CRYBG1: variants seen among roughly 807,000 people sequenced by gnomAD.
CRYBG1 encodes the protein beta/gamma crystallin domain-containing protein 1.
Under a neutral mutation model 189.2 loss-of-function variants are expected in CRYBG1, and 139 were observed. The ratio of observed to expected loss-of-function variants is 0.73; its 90% CI spans 0.64 to 0.85. CRYBG1 has a LOEUF of 0.85. CRYBG1 is among the 40% of genes least tolerant of loss of function. CRYBG1 has a pLI of 0.00. For missense variants in CRYBG1, 2,611 were observed against 2,675.8 expected, an observed-to-expected ratio of 0.98 and a Z score of 0.53; for synonymous variants, 1,023 against 1,017.1, an observed-to-expected ratio of 1.01 and a Z score of -0.11.
At position 106,521,092 on chromosome 6, in the gene CRYBG1, G is replaced by C. The variant is rs1773596239; in HGVS notation, c.3884G>C (p.Gly1295Ala). The C allele has an allele frequency of 3.1e-6, 5 of 1,614,150 alleles. No homozygotes were observed. Among genetic ancestry groups the C allele is most frequent in the Non-Finnish European group, 4.2e-6 (5 of 1,180,022 alleles). Residue 1295 changes from glycine (G) to alanine (A), a missense_variant, in exon 4 of 22, where the codon GGT (glycine) becomes GCT (alanine). By Grantham distance (60) the Gly-to-Ala change is moderately conservative. Coordinates refer to ENST00000633556, the MANE Select transcript of CRYBG1 (RefSeq NM_001371242.2). ...ACGACTGAGGGTGCCCCGCCCTGTG[G>C]TTTGAACAAAGAACAGTCAAATCTT... ...QPTTEGAPPC[G>A]LNKEQSNLLP...
chr6:106,492,618 C>A (rs1220476312), intron 2 of CRYBG1, among the ~76,000 whole-genome samples: 6 of 152,124 alleles, frequency 3.9e-5, no homozygotes, highest in African/African-American at 1.4e-4. Flanking sequence ...TATTCAAACG[C>A]CACCTTCTCA....
intron 2 of CRYBG1, among the ~76,000 whole-genome samples, chr6:106,475,542 G>A (rs1772317892): frequency 6.6e-6 from 1 of 152,152 alleles, no homozygotes; most frequent in Non-Finnish European, 1.5e-5. Flanking sequence ...AAAGAGACAG[G>A]CAAGCACTAC....
At position 106,571,924 on chromosome 6, in the gene CRYBG1, G is replaced by T; in HGVS notation, c.*3358G>T. 1 of 967,194 alleles carries T rather than the reference G, an allele frequency of 1.0e-6. No homozygotes were observed. Among genetic ancestry groups the T allele is most frequent in the Non-Finnish European group, 1.6e-6 (1 of 607,154 alleles). The allele number at this position is 967,194 out of a possible 1,614,324, so 59.9% of individuals were successfully genotyped here. A position where few individuals can be genotyped will look rare whatever the true frequency, so the allele number is the denominator to read the frequency against. ...TCTGGAAAAATGTTTGAAAGGGATG[G>T]CTAGAAAAAAATTTGGGCTCACAGG... On this transcript the variant is annotated 3_prime_UTR_variant, in exon 22 of 22. Transcript: ENST00000633556.
At chr6:106,482,170 TCTC>T (rs1371599092) in intron 2 of CRYBG1, among the ~76,000 whole-genome samples, 1 of 152,194 alleles carries the variant, frequency 6.6e-6, no homozygotes, top group African/African-American at 2.4e-5. Context: ...GCAGAATTCA[TCTC>T]CTTGAAGTTG....
chr6:106,438,866 AG>A (rs1481177451), intron 1 of CRYBG1, among the ~76,000 whole-genome samples: 17 of 152,272 alleles, frequency 1.1e-4, no homozygotes, highest in African/African-American at 3.9e-4. Flanking sequence ...TCATATTTAA[AG>A]TCTAGTAGCA....
intron 2 of CRYBG1, among the ~76,000 whole-genome samples, chr6:106,499,923 A>G (rs1772964541): frequency 6.6e-6 from 1 of 152,194 alleles, no homozygotes; most frequent in Admixed American, 6.5e-5. Context: ...TGTGTTATTT[A>G]TCCTTCTGTG....
At chr6:106,496,620 T>C (rs1029107592) in intron 2 of CRYBG1, among the ~76,000 whole-genome samples, 2 of 152,236 alleles carry the variant, frequency 1.3e-5, no homozygotes, top group Non-Finnish European at 2.9e-5. Context: ...TATTAGAGAC[T>C]AATTATAAAT....
chr6:106,396,827 G>A (rs1770623171), intron 1 of CRYBG1, among the ~76,000 whole-genome samples: 1 of 152,190 alleles, frequency 6.6e-6, no homozygotes, highest in Non-Finnish European at 1.5e-5. Context: ...GGTTATAGGT[G>A]CATACCATCA....
At chr6:106,550,832 GTTTGT>G (rs1320319013) in intron 13 of CRYBG1, among the ~76,000 whole-genome samples, 1 of 151,680 alleles carries the variant, frequency 6.6e-6, no homozygotes, top group Non-Finnish European at 1.5e-5. Flanking sequence ...TGAAAGTCCT[GTTTGT>G]TTTGTTTCCT....
intron 1 of CRYBG1, among the ~76,000 whole-genome samples, chr6:106,375,263 G>A (rs773338320): frequency 6.6e-6 from 1 of 152,074 alleles, no homozygotes; most frequent in African/African-American, 2.4e-5. Flanking sequence ...GCATGTGCCT[G>A]TAGTCCCAAC....
chr6:106,375,702 C>T (rs548307357), intron 1 of CRYBG1, among the ~76,000 whole-genome samples: 3 of 152,180 alleles, frequency 2.0e-5, no homozygotes, highest in South Asian at 4.1e-4. Flanking sequence ...TGGTTTGAGA[C>T]TCCAGTTTTA....
At chr6:106,481,993 T>C (rs888853536) in intron 2 of CRYBG1, among the ~76,000 whole-genome samples, 1 of 125,084 alleles carries the variant, frequency 8.0e-6, no homozygotes, top group Non-Finnish European at 1.7e-5. Flanking sequence ...ACACGTTCTC[T>C]CCCAGTCAGG....
chr6:106,368,530 C>T (rs1454848055), intron 1 of CRYBG1, among the ~76,000 whole-genome samples: 1 of 152,090 alleles, frequency 6.6e-6, no homozygotes, highest in Non-Finnish European at 1.5e-5. Context: ...GAATGACCAG[C>T]GAATTGCTTA....
intron 1 of CRYBG1, among the ~76,000 whole-genome samples, chr6:106,428,620 A>G (rs1771269863): frequency 6.6e-6 from 1 of 152,204 alleles, no homozygotes; most frequent in South Asian, 2.1e-4. Flanking sequence ...CAGGTGAAGA[A>G]TCTTAAAGTC....
intron 13 of CRYBG1, among the ~76,000 whole-genome samples, chr6:106,547,099 T>C (rs1774280889): frequency 6.6e-6 from 1 of 152,158 alleles, no homozygotes; most frequent in Non-Finnish European, 1.5e-5. Context: ...TCTAATTGCA[T>C]TTCCTGGCTT....
intron 1 of CRYBG1, among the ~76,000 whole-genome samples, chr6:106,372,916 G>A (rs1770068743): frequency 1.3e-5 from 2 of 152,192 alleles, no homozygotes; most frequent in Admixed American, 1.3e-4. Context: ...TGACAGAGCA[G>A]TATTTGAAAT....
At chr6:106,499,148 G>GTTTTT (rs1464208340) in intron 2 of CRYBG1, among the ~76,000 whole-genome samples, 1 of 23,746 alleles carries the variant, frequency 4.2e-5, no homozygotes, top group African/African-American at 2.5e-4. Flanking sequence ...TTGTTTGTTT[G>GTTTTT]TTTGTTTGTT....
intron 2 of CRYBG1, among the ~76,000 whole-genome samples, chr6:106,493,796 C>T (rs1378168133): frequency 2.0e-5 from 3 of 152,088 alleles, no homozygotes; most frequent in African/African-American, 7.2e-5. Flanking sequence ...CACACTGGGG[C>T]CTGTCAGCAG....
intron 2 of CRYBG1, among the ~76,000 whole-genome samples, chr6:106,457,797 C>T (rs1184661065): frequency 6.6e-6 from 1 of 152,156 alleles, no homozygotes; most frequent in Non-Finnish European, 1.5e-5. Flanking sequence ...TCCATAGTGT[C>T]TGCTTTGTAG....
Sources: allele counts gnomAD v4.1 joint callset (sites outside exome capture counted in the v4.1 genomes callset), GRCh38; gene constraint gnomAD v4.1.1; transcripts MANE v1.5; gene names NCBI Gene and HGNC (gene_info 2026-07-23, HGNC 2026-07-21).